Variants in ADIPOR2 observed in about 807,000 individuals in gnomAD.
ADIPOR2 encodes adiponectin receptor protein 2.
In ADIPOR2, 18 loss-of-function variants were observed where a neutral mutation model predicts 40.9. That is an observed-to-expected ratio of 0.44 (90% CI 0.30 to 0.65). The LOEUF (loss-of-function observed/expected upper bound fraction) is 0.65. Ranked by LOEUF, ADIPOR2 falls within the 30% of genes least tolerant of loss-of-function variation. The pLI is 0.09. For synonymous variants in ADIPOR2, 165 were observed against 166.4 expected (o/e 0.99, Z 0.06); for missense variants, 283 against 479.2 (o/e 0.59, Z 3.82).
At chr12:1,742,681 A>G (rs2094745633) in intron 1 of ADIPOR2, among the ~76,000 whole-genome samples, 1 of 152,242 alleles carries the variant, frequency 6.6e-6, no homozygotes, top group African/African-American at 2.4e-5. Flanking sequence ...TGTCTAGATT[A>G]CTTGTAGTAC....
chr12:1,726,052 C>T (rs1019446790), intron 1 of ADIPOR2, among the ~76,000 whole-genome samples: 19 of 152,120 alleles, frequency 1.2e-4, no homozygotes, highest in Non-Finnish European at 2.5e-4. Flanking sequence ...GATTTCTAGA[C>T]CAGAAGTGTC....
At chr12:1,692,589 T>A (rs549194749) in intron 1 of ADIPOR2, among the ~76,000 whole-genome samples, 18 of 152,338 alleles carry the variant, frequency 1.2e-4, no homozygotes, top group African/African-American at 3.6e-4. Context: ...AGATTTCCTC[T>A]TTTCACTTGA....
At chr12:1,710,496 A>G (rs1002981285) in intron 1 of ADIPOR2, among the ~76,000 whole-genome samples, 3 of 152,004 alleles carry the variant, frequency 2.0e-5, no homozygotes, top group Non-Finnish European at 4.4e-5. Context: ...TTTCCTTACA[A>G]TTCAGGGGCT....
intron 1 of ADIPOR2, among the ~76,000 whole-genome samples, chr12:1,750,179 C>G (rs1443819503): frequency 6.6e-6 from 1 of 152,000 alleles, no homozygotes; most frequent in Non-Finnish European, 1.5e-5. Flanking sequence ...TAAGCGTATA[C>G]TTAAAGTATT....
chr12:1,763,403 C>G (rs929204606), intron 2 of ADIPOR2, among the ~76,000 whole-genome samples: 10 of 152,120 alleles, frequency 6.6e-5, no homozygotes, highest in Admixed American at 1.3e-4. Flanking sequence ...TAGTATGCCT[C>G]TTGTCTCACA....
chr12:1,711,675 T>C (rs550526156), intron 1 of ADIPOR2, among the ~76,000 whole-genome samples: 12 of 151,992 alleles, frequency 7.9e-5, no homozygotes, highest in Non-Finnish European at 1.8e-4. Flanking sequence ...TGTCTCTTCC[T>C]CTCTCTGTTT....
chr12:1,728,175 C>T (rs2094711812), intron 1 of ADIPOR2, among the ~76,000 whole-genome samples: 3 of 151,442 alleles, frequency 2.0e-5, no homozygotes, highest in Admixed American at 2.0e-4. Flanking sequence ...TGCAGTGGCG[C>T]GATCTCAGCT....
At position 1,702,199 on chromosome 12, in the gene ADIPOR2, A is replaced by G. The variant is rs78211324; in HGVS notation, c.-87+11008A>G. Among the ~76,000 whole-genome samples, 730 of 152,332 alleles carry G rather than the reference A, an allele frequency of 4.8e-3. 6 individuals carry two copies. Among genetic ancestry groups the G allele is most frequent in the African/African-American group, 0.017 (696 of 41,582 alleles). On this transcript the variant is annotated intron_variant, in intron 1 of 7. Transcript: ENST00000357103. ...ATTGTGAAATCAATTCAGGAATTAG[A>G]AAAATATCAGGTTGTATTGCAAACA...
At chr12:1,784,597 AT>A (rs2154444574) in intron 7 of ADIPOR2, among the ~76,000 whole-genome samples, 1 of 152,328 alleles carries the variant, frequency 6.6e-6, no homozygotes, top group South Asian at 2.1e-4. Context: ...GTCTTTTTTT[AT>A]ACCGAAATTT....
intron 1 of ADIPOR2, among the ~76,000 whole-genome samples, chr12:1,712,558 C>G (rs562842586): frequency 1.3e-4 from 20 of 152,270 alleles, no homozygotes; most frequent in African/African-American, 4.6e-4. Flanking sequence ...TGCTCTCTCT[C>G]TGACGTATAA....
At position 1,701,331 on chromosome 12, in the gene ADIPOR2, T is replaced by G. The variant is rs571336334; in HGVS notation, c.-87+10140T>G. ...TTTGTAGAGATTGGGTTTCGCCTGT[T>G]GCCCAGGCTGGTCTCCTGTGCTCAA... is the stretch of plus-strand genomic sequence containing the variant. On this transcript the variant is annotated intron_variant, in intron 1 of 7. Coordinates refer to ENST00000357103, the MANE Select transcript of ADIPOR2 (RefSeq NM_024551.3). Among the ~76,000 whole-genome samples, 566 of 152,236 alleles carry G rather than the reference T, an allele frequency of 3.7e-3. 4 individuals are homozygous for G. The highest frequency in any genetic ancestry group is 3.9e-3 in the Non-Finnish European group (268 of 68,014).
At chr12:1,702,036 C>T (rs1033371444) in intron 1 of ADIPOR2, among the ~76,000 whole-genome samples, 1 of 152,036 alleles carries the variant, frequency 6.6e-6, no homozygotes, top group Non-Finnish European at 1.5e-5. Context: ...GCAGGAGAAT[C>T]GCTTGAACCT....
chr12:1,748,344 G>T (rs1265030161), intron 1 of ADIPOR2, among the ~76,000 whole-genome samples: 2 of 152,152 alleles, frequency 1.3e-5, no homozygotes, highest in Non-Finnish European at 2.9e-5. Flanking sequence ...CGCCTCCCGG[G>T]TTCACGCCAT....
At chr12:1,702,748 GTTTGT>G (rs1371510218) in intron 1 of ADIPOR2, 1 of 152,042 alleles carries the variant, frequency 6.6e-6, no homozygotes, top group Non-Finnish European at 1.5e-5. Context: ...ACTTTATATG[GTTTGT>G]TTTGTTAAAT....
Position 1,694,857 on chromosome 12 carries a change from A to C in ADIPOR2, c.-87+3666A>C, listed in dbSNP as rs562659239. Among the ~76,000 whole-genome samples the C allele has an allele frequency of 8.2e-4, 125 of 152,134 alleles. 1 individual carries two copies. Among genetic ancestry groups the C allele is most frequent in the African/African-American group, 2.8e-3 (117 of 41,530 alleles). On this transcript the variant is annotated intron_variant, in intron 1 of 7. Transcript: ENST00000357103. The stretch of plus-strand genomic sequence containing the variant: ...ATGTACAGAAATTTGAGCCGATAGC[A>C]CAGAAAGTTCCCATATTCCCTTCCC...
intron 1 of ADIPOR2, among the ~76,000 whole-genome samples, chr12:1,720,134 A>G (rs1274021808): frequency 6.6e-6 from 1 of 152,254 alleles, no homozygotes; most frequent in African/African-American, 2.4e-5. Context: ...GAAACAAATG[A>G]AAAGAATAAA....
At chr12:1,782,362 G>A (rs12824519) in intron 6 of ADIPOR2, among the ~76,000 whole-genome samples, 1,742 of 152,306 alleles carry the variant, frequency 0.011, 23 homozygotes, top group Non-Finnish European at 0.018. Context: ...TATCTGTTGA[G>A]AAAGCTTACC....
intron 3 of ADIPOR2, 109 bp from the exon 4 acceptor site, chr12:1,777,745 A>C: frequency 9.5e-7 from 1 of 1,048,930 alleles, no homozygotes; most frequent in South Asian, 1.7e-5. Flanking sequence ...TTAAAAATGA[A>C]TTGTTTTTCC....
chr12:1,739,571 T>A (rs1368240327), intron 1 of ADIPOR2, among the ~76,000 whole-genome samples: 2 of 152,256 alleles, frequency 1.3e-5, no homozygotes, highest in Non-Finnish European at 2.9e-5. Flanking sequence ...TAAAGTTTTA[T>A]TGGAACACAG....
Sources: gnomAD v4.1 joint callset for allele counts (sites outside exome capture counted in the v4.1 genomes callset) on GRCh38, gnomAD v4.1.1 for gene constraint, MANE v1.5 for transcripts, NCBI Gene and HGNC (gene_info 2026-07-23, HGNC 2026-07-21) for gene names.